Variants in SEMA3E observed in about 807,000 individuals in gnomAD.
The protein encoded by SEMA3E is semaphorin-3E.
In SEMA3E, 49 loss-of-function variants were observed where a neutral mutation model predicts 93.6. The ratio of observed to expected loss-of-function variants is 0.52; its 90% CI spans 0.42 to 0.66. SEMA3E has a LOEUF of 0.66. Among genes scored for constraint, SEMA3E ranks in the 30% least tolerant of loss-of-function variants. The pLI, the probability that SEMA3E is intolerant of heterozygous loss-of-function variation, is 0.00. For synonymous variants in SEMA3E, 363 were observed against 330.7 expected, an observed-to-expected ratio of 1.10 and a Z score of -1.06; for missense variants, 906 against 964.8, an observed-to-expected ratio of 0.94 and a Z score of 0.81.
chr7:83,629,893 G>A (rs1357838509), intron 1 of SEMA3E, among the ~76,000 whole-genome samples: 1 of 152,144 alleles, frequency 6.6e-6, no homozygotes, highest in Non-Finnish European at 1.5e-5. Flanking sequence ...CCAGCTTTGT[G>A]CTTGAAACCC....
chr7:83,373,302 T>A (rs1386336151), intron 16 of SEMA3E, among the ~76,000 whole-genome samples: 1 of 152,160 alleles, frequency 6.6e-6, no homozygotes, highest in Non-Finnish European at 1.5e-5. Flanking sequence ...ATACATTTAA[T>A]AATAAAATCA....
At chr7:83,630,443 A>G (rs1793763388) in intron 1 of SEMA3E, among the ~76,000 whole-genome samples, 2 of 152,190 alleles carry the variant, frequency 1.3e-5, no homozygotes, top group Non-Finnish European at 2.9e-5. Flanking sequence ...ATTCAGATGT[A>G]CTAGAAAGCA....
chr7:83,484,245 C>T (rs1271767369), intron 2 of SEMA3E, among the ~76,000 whole-genome samples: 1 of 152,168 alleles, frequency 6.6e-6, no homozygotes, highest in Non-Finnish European at 1.5e-5. Context: ...ATTTTTTCCT[C>T]TCTAAATTCA....
At chr7:83,424,650 C>G (rs1395903376) in intron 4 of SEMA3E, among the ~76,000 whole-genome samples, 1 of 152,152 alleles carries the variant, frequency 6.6e-6, no homozygotes, top group African/African-American at 2.4e-5. Flanking sequence ...AATCCTGGAA[C>G]CTGTGAATAT....
intron 4 of SEMA3E, among the ~76,000 whole-genome samples, 161 bp downstream of exon 4, chr7:83,466,321 T>C (rs764898420): frequency 6.6e-6 from 1 of 152,192 alleles, no homozygotes; most frequent in East Asian, 1.9e-4. Context: ...TTGACAAGAA[T>C]TTTAAAGGCC....
intron 1 of SEMA3E, among the ~76,000 whole-genome samples, chr7:83,645,738 T>G (rs779285367): frequency 6.6e-6 from 1 of 151,864 alleles, no homozygotes; most frequent in African/African-American, 2.4e-5. Flanking sequence ...TCTCTCTCTC[T>G]CTCTCTCTCT....
intron 1 of SEMA3E, among the ~76,000 whole-genome samples, chr7:83,541,993 G>A (rs1377058655): frequency 6.6e-6 from 1 of 152,068 alleles, no homozygotes; most frequent in Non-Finnish European, 1.5e-5. Context: ...GCTACAGTCA[G>A]CCACATCCTT....
At chr7:83,582,652 T>C (rs1033405814) in intron 1 of SEMA3E, among the ~76,000 whole-genome samples, 4 of 152,160 alleles carry the variant, frequency 2.6e-5, no homozygotes, top group African/African-American at 9.6e-5. Context: ...AATAATTTAA[T>C]ATCTATTTGG....
At chr7:83,438,376 C>T (rs1034708169) in intron 4 of SEMA3E, among the ~76,000 whole-genome samples, 7 of 152,050 alleles carry the variant, frequency 4.6e-5, no homozygotes, top group South Asian at 2.1e-4. Context: ...CTATTCAAAG[C>T]AGGCCCATAC....
At position 83,366,728 on chromosome 7, in the gene SEMA3E, C is replaced by G. The variant is rs1210684972; in HGVS notation, c.*858G>C. Reference sequence around the variant, plus strand: ...AAATGAACTTGATGTATCCATGTACCTACTGATAATCTGCTTTCAAATCTT... The same window carrying G: ...AAATGAACTTGATGTATCCATGTACGTACTGATAATCTGCTTTCAAATCTT... On this transcript the variant is annotated 3_prime_UTR_variant, in exon 17 of 17. Coordinates refer to ENST00000643230, the MANE Select transcript of SEMA3E (RefSeq NM_012431.3). The G allele has an allele frequency of 6.6e-6, 1 of 151,950 alleles. No homozygotes were observed. The highest frequency in any genetic ancestry group is 6.6e-5 in the Admixed American group (1 of 15,248). The allele number at this position is 151,950 out of a possible 1,614,324, so 9.4% of individuals were successfully genotyped here.
chr7:83,621,387 G>A (rs1366487969), intron 1 of SEMA3E, among the ~76,000 whole-genome samples: 1 of 152,142 alleles, frequency 6.6e-6, no homozygotes, highest in Admixed American at 6.5e-5. Context: ...TCAAGGATAG[G>A]AAGAATCAAT....
At chr7:83,514,826 T>C (rs1354031325) in intron 1 of SEMA3E, among the ~76,000 whole-genome samples, 1 of 152,100 alleles carries the variant, frequency 6.6e-6, no homozygotes, top group Non-Finnish European at 1.5e-5. Flanking sequence ...CCTGCATCCA[T>C]CAGGATTTTT....
At chr7:83,450,022 A>C (rs956726055) in intron 4 of SEMA3E, among the ~76,000 whole-genome samples, 3 of 152,176 alleles carry the variant, frequency 2.0e-5, no homozygotes, top group African/African-American at 7.2e-5. Context: ...AGCCTCAATA[A>C]GCATATAAAA....
At chr7:83,624,557 T>C (rs1238007825) in intron 1 of SEMA3E, among the ~76,000 whole-genome samples, 1 of 152,174 alleles carries the variant, frequency 6.6e-6, no homozygotes, top group African/African-American at 2.4e-5. Context: ...TTCGCCCACT[T>C]TTTGATGGGG....
chr7:83,454,512 A>G lies in SEMA3E; in HGVS notation c.456+11970T>C, dbSNP rs369699650. Among the ~76,000 whole-genome samples, 48 of 152,062 alleles carry G rather than the reference A, an allele frequency of 3.2e-4. 1 individual carries two copies. The highest frequency in any genetic ancestry group is 1.1e-3 in the African/African-American group (46 of 41,516). On this transcript the variant is annotated intron_variant, in intron 4 of 16. Coordinates refer to ENST00000643230, the MANE Select transcript of SEMA3E (RefSeq NM_012431.3). ...GCTATAATGATCTCAGTTGTGAAAG[A>G]GAAAAGGCACATTTCAGTCACATAA...
chr7:83,477,049 A>G (rs1330974662), intron 2 of SEMA3E, among the ~76,000 whole-genome samples: 2 of 152,308 alleles, frequency 1.3e-5, no homozygotes, highest in African/African-American at 4.8e-5. Flanking sequence ...TCACATAATT[A>G]TACCAGGATT....
intron 4 of SEMA3E, among the ~76,000 whole-genome samples, chr7:83,425,739 CAAGTCGGACCTAAAT>C (rs911242665): frequency 6.6e-6 from 1 of 152,032 alleles, no homozygotes; most frequent in African/African-American, 2.4e-5. Flanking sequence ...GGGACCTAAA[CAAGTCGGACCTAAAT>C]AAAATAGTTT....
chr7:83,496,326 A>AT (rs976680508), intron 1 of SEMA3E, among the ~76,000 whole-genome samples: 3 of 152,104 alleles, frequency 2.0e-5, no homozygotes, highest in South Asian at 2.1e-4. Flanking sequence ...AAATGAATGC[A>AT]TTTTTTGCAG....
At chr7:83,638,051 A>G (rs1015900913) in intron 1 of SEMA3E, among the ~76,000 whole-genome samples, 2 of 152,138 alleles carry the variant, frequency 1.3e-5, no homozygotes, top group African/African-American at 4.8e-5. Flanking sequence ...GCTATCCACT[A>G]TTTCCCAAAG....
Sources: gnomAD v4.1 joint callset for allele counts (sites outside exome capture counted in the v4.1 genomes callset) on GRCh38, gnomAD v4.1.1 for gene constraint, MANE v1.5 for transcripts, NCBI Gene and HGNC (gene_info 2026-07-23, HGNC 2026-07-21) for gene names.